The following SATL1 variants were observed in gnomAD, a reference collection of about 807,000 sequenced individuals.
The protein encoded by SATL1 is spermidine/spermine N(1)-acetyltransferase-like protein 1.
A neutral mutation model predicts 51.8 loss-of-function variants in SATL1; 47 were observed. The ratio of observed to expected loss-of-function variants is 0.91; its 90% CI spans 0.72 to 1.16. The LOEUF (loss-of-function observed/expected upper bound fraction) is 1.16. Ranked by LOEUF, SATL1 falls within the 50% of genes most tolerant of loss-of-function variation. SATL1 has a pLI of 0.00. For synonymous variants in SATL1, 176 were observed against 182.4 expected, an observed-to-expected ratio of 0.97 and a Z score of 0.28; for missense variants, 520 against 526.4, an observed-to-expected ratio of 0.99 and a Z score of 0.12.
intron 2 of SATL1, among the ~76,000 whole-genome samples, chrX:85,220,689 T>A (rs1332366127): frequency 9.5e-5 from 4 of 42,262 alleles, no homozygotes; most frequent in East Asian, 1.2e-3. Flanking sequence ...AAAAAAAAAC[T>A]CTCCTGGATC....
At chrX:85,210,485 T>A (rs1350159711) in intron 2 of SATL1, 1 of 104,459 alleles carries the variant, frequency 9.6e-6, no homozygotes, top group Non-Finnish European at 2.0e-5. Flanking sequence ...GAATCCTCCC[T>A]AACACATCCA....
intron 1 of SATL1, among the ~76,000 whole-genome samples, chrX:85,227,072 C>A: frequency 9.0e-6 from 1 of 111,342 alleles, no homozygotes; most frequent in Non-Finnish European, 1.9e-5. Flanking sequence ...TTTAACCTAC[C>A]TCCATACAGG....
chrX:85,138,891 G>A (rs760347647), intron 2 of SATL1, among the ~76,000 whole-genome samples: 1 of 111,886 alleles, frequency 8.9e-6, no homozygotes, highest in South Asian at 3.7e-4. Context: ...GGAGAGAAAT[G>A]AAGATTTTCT....
chrX:85,141,369 G>A (rs979355565), intron 2 of SATL1, among the ~76,000 whole-genome samples: 1 of 111,939 alleles, frequency 8.9e-6, no homozygotes, highest in African/African-American at 3.2e-5. Context: ...ATAATTTACA[G>A]CTAACCTTAA....
chrX:85,152,362 G>T (rs1005283090), intron 2 of SATL1, among the ~76,000 whole-genome samples: 8 of 111,641 alleles, frequency 7.2e-5, no homozygotes, highest in Non-Finnish European at 1.3e-4. Context: ...CTTTTACACT[G>T]TTGGTGGGAT....
intron 2 of SATL1, among the ~76,000 whole-genome samples, chrX:85,203,672 G>C (rs1300218456): frequency 1.8e-5 from 2 of 112,437 alleles, no homozygotes; most frequent in Admixed American, 1.9e-4. Flanking sequence ...CAGCTGTGCT[G>C]TGCTGGAGGA....
intron 2 of SATL1, among the ~76,000 whole-genome samples, chrX:85,145,035 CA>C (rs779116515): frequency 3.3e-4 from 34 of 104,202 alleles, no homozygotes; most frequent in Non-Finnish European, 4.5e-4. Flanking sequence ...GGCCCTGTCT[CA>C]AAAAAAAATA....
intron 2 of SATL1, among the ~76,000 whole-genome samples, chrX:85,222,146 C>G (rs1019722926): frequency 2.1e-4 from 24 of 111,811 alleles, no homozygotes; most frequent in African/African-American, 7.8e-4. Context: ...TGTAGTGAGC[C>G]TGCTGCATTG....
chrX:85,107,251 A>C, intron 3 of SATL1, 77 bp downstream of exon 3: 8 of 864,965 alleles, frequency 9.2e-6, no homozygotes, highest in Non-Finnish European at 1.2e-5. Flanking sequence ...GCAGAATTCG[A>C]ACCCCAACTA....
intron 1 of SATL1, among the ~76,000 whole-genome samples, chrX:85,237,216 C>T (rs943535843): frequency 7.2e-5 from 8 of 110,831 alleles, no homozygotes; most frequent in Non-Finnish European, 1.5e-4. Context: ...TTATACAGAA[C>T]CACAAAAGAT....
chrX:85,150,672 A>C (rs1240722151), intron 2 of SATL1, among the ~76,000 whole-genome samples: 2 of 111,932 alleles, frequency 1.8e-5, no homozygotes, highest in Admixed American at 1.9e-4. Flanking sequence ...TATGAAAATC[A>C]ATAAACATAA....
At position 85,149,541 on chromosome X, in the gene SATL1, C is replaced by T. The variant is rs1234001280; in HGVS notation, c.-312-40261G>A. On this transcript the variant is annotated intron_variant, in intron 2 of 7. Coordinates refer to ENST00000644105, the MANE Select transcript of SATL1 (RefSeq NM_001367857.2). ...TTTCAACAACACACCACACCTATTC[C>T]AAAATTGACCACATAGTTGGAAGTA... Among the ~76,000 whole-genome samples, 4 of 111,525 alleles carry T rather than the reference C, an allele frequency of 3.6e-5. No homozygotes were observed. The East Asian group carries it at 1.1e-3, about 31-fold the overall frequency.
intron 2 of SATL1, among the ~76,000 whole-genome samples, chrX:85,146,442 T>C (rs1285197565): frequency 1.8e-5 from 2 of 111,786 alleles, no homozygotes; most frequent in African/African-American, 6.5e-5. Context: ...GAATAGCTCA[T>C]GTACTCTATA....
intron 2 of SATL1, among the ~76,000 whole-genome samples, chrX:85,192,062 G>C (rs1220042066): frequency 5.4e-5 from 6 of 111,451 alleles, no homozygotes; most frequent in African/African-American, 2.0e-4. Flanking sequence ...CCATCTGTTA[G>C]CTCTTCATAT....
At chrX:85,200,309 G>A (rs12015426) in intron 2 of SATL1, among the ~76,000 whole-genome samples, 31 of 111,645 alleles carry the variant, frequency 2.8e-4, no homozygotes, top group African/African-American at 9.4e-4. Flanking sequence ...TTAACACATA[G>A]AAAGTGCTCA....
chrX:85,199,958 ATGTT>A (rs1927655630), intron 2 of SATL1, among the ~76,000 whole-genome samples: 1 of 112,085 alleles, frequency 8.9e-6, no homozygotes, highest in Non-Finnish European at 1.9e-5. Context: ...TATAACTTGA[ATGTT>A]TGTAACACAA....
intron 2 of SATL1, among the ~76,000 whole-genome samples, chrX:85,166,669 C>A (rs1481796021): frequency 9.1e-6 from 1 of 110,490 alleles, no homozygotes. Context: ...CACTTTTACA[C>A]TGCTGGTGGA....
At chrX:85,168,362 C>A (rs1926893326) in intron 2 of SATL1, among the ~76,000 whole-genome samples, 1 of 111,320 alleles carries the variant, frequency 9.0e-6, no homozygotes, top group Non-Finnish European at 1.9e-5. Context: ...ACGACATGAT[C>A]CTATATCTAT....
At chrX:85,163,534 G>C (rs778166661) in intron 2 of SATL1, among the ~76,000 whole-genome samples, 1 of 111,426 alleles carries the variant, frequency 9.0e-6, no homozygotes, top group African/African-American at 3.3e-5. Flanking sequence ...AGTTCATTCA[G>C]AAGCAGATTA....
Sources: gnomAD v4.1 joint callset for allele counts (sites outside exome capture counted in the v4.1 genomes callset) on GRCh38, gnomAD v4.1.1 for gene constraint, MANE v1.5 for transcripts, NCBI Gene and HGNC (gene_info 2026-07-23, HGNC 2026-07-21) for gene names.